GRIPAP1: variants seen among roughly 807,000 people sequenced by gnomAD.
GRIPAP1 encodes the protein GRIP1 associated protein 1.
In GRIPAP1, 14 loss-of-function variants were observed where a neutral mutation model predicts 84.1. The ratio of observed to expected loss-of-function variants is 0.17; its 90% CI spans 0.11 to 0.26. The LOEUF (loss-of-function observed/expected upper bound fraction) is 0.26. Among genes scored for constraint, GRIPAP1 ranks in the 10% least tolerant of loss-of-function variants. GRIPAP1 has a pLI of 1.00. For missense variants in GRIPAP1, 518 were observed against 674.2 expected (o/e 0.77, Z 2.57); for synonymous variants, 261 against 256.8 (o/e 1.02, Z -0.15).
intron 11 of GRIPAP1, among the ~76,000 whole-genome samples, chrX:48,989,311 T>C (rs781907524): frequency 9.0e-6 from 1 of 111,447 alleles, no homozygotes; most frequent in African/African-American, 3.3e-5. Context: ...TCCTAGGCCC[T>C]AGTGACCACA....
intron 2 of GRIPAP1, 60 bp from the exon 3 acceptor site, chrX:48,999,359 T>TGAAAGGCCTG (rs2064564135): frequency 1.8e-5 from 20 of 1,128,741 alleles, no homozygotes; most frequent in Non-Finnish European, 2.4e-5. Flanking sequence ...TGAAAGGCCT[T>TGAAAGGCCTG]CCTGCCAGGC....
chrX:48,983,829 T>C lies in GRIPAP1; in HGVS notation c.1218A>G (p.Gln406=). The C allele has an allele frequency of 1.7e-6, 2 of 1,194,904 alleles. No homozygotes were observed. Among genetic ancestry groups the C allele is most frequent in the Non-Finnish European group, 2.3e-6 (2 of 880,411 alleles). Residue 406 remains glutamine, a synonymous_variant, in exon 15 of 26, where the codon CAA becomes CAG. Coordinates refer to ENST00000376423, the MANE Select transcript of GRIPAP1 (RefSeq NM_020137.5). ...RANSRLLEQL[Q]EIGQEKEQLT... Reference sequence around the variant, plus strand: ...ACTGCTCCTTCTCCTGCCCTATTTCTTGAAGTTGTTCCAGCAGTCGACTAT... The same window carrying C: ...ACTGCTCCTTCTCCTGCCCTATTTCCTGAAGTTGTTCCAGCAGTCGACTAT...
rs782383266 is a variant in GRIPAP1, at chrX:48,982,996, G to A, written c.1582C>T (p.Arg528Cys). Residue 528 changes from arginine (R) to cysteine (C), a missense_variant, in exon 17 of 26, where the codon CGC (arginine) becomes TGC (cysteine). Transcript: ENST00000376423. The part of the protein sequence containing the change: ...MDGAKGWFER[R>C]LKEAEESLQQ... ...CAACTCACCTCGGCTTCCTTCAAGC[G>A]CCGTTCAAACCAGCCCTTGGCTCCA... 8 of 1,198,448 alleles carry A rather than the reference G, an allele frequency of 6.7e-6. No homozygotes were observed. Among genetic ancestry groups the A allele is most frequent in the Middle Eastern group, 2.3e-4 (1 of 4,319 alleles).
At chrX:48,986,641 C>T (rs782178044) in intron 13 of GRIPAP1, among the ~76,000 whole-genome samples, 1 of 110,376 alleles carries the variant, frequency 9.1e-6, no homozygotes, top group African/African-American at 3.3e-5. Context: ...GTGATCCGCC[C>T]GTCTCAGCCT....
chrX:48,985,774 AG>A (rs2064483458), intron 13 of GRIPAP1, among the ~76,000 whole-genome samples: 1 of 110,364 alleles, frequency 9.1e-6, no homozygotes, highest in Non-Finnish European at 1.9e-5. Context: ...CTGACTTTGA[AG>A]GGGTAAAGGG....
intron 22 of GRIPAP1, among the ~76,000 whole-genome samples, chrX:48,976,739 G>T (rs2064424599): frequency 9.1e-6 from 1 of 110,478 alleles, no homozygotes; most frequent in African/African-American, 3.3e-5. Flanking sequence ...TCAACAAATT[G>T]GTCTCAGGAA....
intron 8 of GRIPAP1, 25 bp from the exon 9 acceptor site, chrX:48,990,028 G>A (rs1557065027): frequency 9.0e-7 from 1 of 1,109,887 alleles, no homozygotes; most frequent in Non-Finnish European, 1.2e-6. Context: ...ACAGACAAGT[G>A]ATAACATTGA....
intron 17 of GRIPAP1, 70 bp downstream of exon 17, chrX:48,982,909 C>CTCCTGCT: frequency 1.4e-6 from 1 of 694,033 alleles, no homozygotes. Context: ...GGCCTGACCA[C>CTCCTGCT]TCCTGCTTCT....
chrX:48,999,425 C>T lies in GRIPAP1; in HGVS notation c.109+13G>A, dbSNP rs373498266. ...CAAAGCCACCCCCATCTAATAAGGC[C>T]CTCCTGGCTCACCAACACCATTCTT... On this transcript the variant is annotated intron_variant, in intron 2 of 25. Transcript: ENST00000376423. 1.7e-6 allele frequency: 2 copies of T among 1,182,506 alleles called. No homozygotes were observed. The highest frequency in any genetic ancestry group is 3.5e-5 in the African/African-American group (2 of 56,566).
rs781796368 is a variant in GRIPAP1, at chrX:48,980,225, T to TTGTGTGTGTG, written c.1930+980_1930+989dup. On this transcript the variant is annotated intron_variant, in intron 21 of 25. Transcript: ENST00000376423. Reference sequence around the variant, plus strand: ...TTAAAAAAGGCTGAAGCAACTAAAGTTGTGTGTGTGTGTGTGTGTGTGTGT... The same window carrying TTGTGTGTGTG: ...TTAAAAAAGGCTGAAGCAACTAAAGTTGTGTGTGTGTGTGTGTGTGTGTGTGTGTGTGTGT... Among the ~76,000 whole-genome samples, 16 of 90,574 alleles carry TTGTGTGTGTG rather than the reference T, an allele frequency of 1.8e-4. 1 individual carries two copies. The highest frequency in any genetic ancestry group is 4.8e-4 in the African/African-American group (12 of 24,755). 78.7% of individuals were successfully genotyped at this position (90,574 alleles called of 115,157 possible).
At chrX:48,978,680 T>C (rs5906732) in intron 21 of GRIPAP1, among the ~76,000 whole-genome samples, 9,755 of 109,655 alleles carry the variant, frequency 0.089, 454 homozygotes, top group Non-Finnish European at 0.13. Context: ...GATCACTTGA[T>C]GTCAGGAGTT....
intron 3 of GRIPAP1, 23 bp downstream of exon 3, chrX:48,999,215 G>A (rs1557067648): frequency 1.3e-5 from 15 of 1,161,694 alleles, no homozygotes; most frequent in Non-Finnish European, 1.6e-5. Context: ...TGGGTAGGTG[G>A]ATGGGTGGGT....
At chrX:49,001,614 T>C (rs942252059) in intron 1 of GRIPAP1, among the ~76,000 whole-genome samples, 1 of 110,186 alleles carries the variant, frequency 9.1e-6, no homozygotes, top group Non-Finnish European at 1.9e-5. Context: ...AATCATCCAA[T>C]GGTGCCGCCC....
At chrX:48,983,934 G>A in intron 14 of GRIPAP1, 64 bp from the exon 15 acceptor site, 1 of 662,175 alleles carries the variant, frequency 1.5e-6, no homozygotes, top group Non-Finnish European at 2.5e-6. Flanking sequence ...AGTCACCCAG[G>A]ACCATCTGGT....
chrX:48,988,313 G>A, intron 11 of GRIPAP1, 115 bp from the exon 12 acceptor site: 1 of 518,379 alleles, frequency 1.9e-6, no homozygotes, highest in Non-Finnish European at 3.3e-6. Context: ...GTGGGTCTCA[G>A]ACTATCCAGC....
intron 11 of GRIPAP1, among the ~76,000 whole-genome samples, chrX:48,989,289 C>T (rs1218370824): frequency 9.0e-6 from 1 of 111,328 alleles, no homozygotes; most frequent in Non-Finnish European, 1.9e-5. Flanking sequence ...TCAGACTTAC[C>T]CCAGTTCCTG....
At chrX:48,982,741 A>G (rs2064464655) in intron 17 of GRIPAP1, among the ~76,000 whole-genome samples, 1 of 112,639 alleles carries the variant, frequency 8.9e-6, no homozygotes, top group Non-Finnish European at 1.9e-5. Context: ...TTCAGGAGAA[A>G]GAGGTGCCTT....
At chrX:48,990,038 A>G (rs782017940) in intron 8 of GRIPAP1, 35 bp from the exon 9 acceptor site, 2 of 1,069,448 alleles carry the variant, frequency 1.9e-6, no homozygotes, top group Non-Finnish European at 2.5e-6. Context: ...GATAACATTG[A>G]GAATAATATA....
At chrX:48,994,421 G>T (rs1557066356) in intron 5 of GRIPAP1, among the ~76,000 whole-genome samples, 1 of 109,373 alleles carries the variant, frequency 9.1e-6, no homozygotes, top group Non-Finnish European at 1.9e-5. Context: ...ACGGGGTTTC[G>T]CCATGTTGGC....
Sources: allele counts gnomAD v4.1 joint callset (sites outside exome capture counted in the v4.1 genomes callset), GRCh38; gene constraint gnomAD v4.1.1; transcripts MANE v1.5; gene names NCBI Gene and HGNC (gene_info 2026-07-23, HGNC 2026-07-21).